The following CSMD1 variants were observed in gnomAD, a reference collection of about 807,000 sequenced individuals.
The protein encoded by CSMD1 is CUB and Sushi multiple domains 1, also known as CUB and sushi domain-containing protein 1.
CSMD1 carries 213 observed loss-of-function variants against 417.5 expected under a neutral mutation model. The observed-to-expected ratio is 0.51, with a 90% CI of 0.46 to 0.57. The LOEUF (loss-of-function observed/expected upper bound fraction) is 0.57, where lower values mean the gene tolerates loss of function less well. CSMD1 is among the 20% of genes least tolerant of loss of function. The pLI is 0.00. For missense variants in CSMD1, 6,923 were observed against 4,529.7 expected, an observed-to-expected ratio of 1.53 and a Z score of -15.17; for synonymous variants, 2,862 against 1,736.8, an observed-to-expected ratio of 1.65 and a Z score of -16.11.
intron 26 of CSMD1, among the ~76,000 whole-genome samples, chr8:3,266,677 A>C (rs915564399): frequency 2.0e-5 from 3 of 150,930 alleles, no homozygotes; most frequent in Non-Finnish European, 4.4e-5. Flanking sequence ...CAGGAGGCTA[A>C]GGCAGGAGAA....
chr8:4,569,441 A>T (rs759406524), intron 2 of CSMD1, among the ~76,000 whole-genome samples: 1 of 152,210 alleles, frequency 6.6e-6, no homozygotes, highest in Non-Finnish European at 1.5e-5. Context: ...TTTGTCAAAC[A>T]TCAGATGGTT....
At chr8:4,941,995 C>T (rs978021238) in intron 1 of CSMD1, among the ~76,000 whole-genome samples, 2 of 152,136 alleles carry the variant, frequency 1.3e-5, no homozygotes, top group African/African-American at 4.8e-5. Context: ...CATTTAAAAC[C>T]TGAATCAAAT....
chr8:4,391,966 C>T (rs986356407), intron 3 of CSMD1, among the ~76,000 whole-genome samples: 2 of 152,154 alleles, frequency 1.3e-5, no homozygotes, highest in Non-Finnish European at 2.9e-5. Context: ...GCAGAAAGCA[C>T]ATTAAAAGAG....
rs140454538 is a variant in CSMD1, at chr8:4,529,038, G to A, written c.302+108304C>T. ...TTCTTTGTGATGATATATGTGAGAC[G>A]GTGTTTTTTTAAAAAATGATGATCT... On this transcript the variant is annotated intron_variant, in intron 2 of 69. Coordinates refer to ENST00000635120, the MANE Select transcript of CSMD1 (RefSeq NM_033225.6). Among the ~76,000 whole-genome samples, 880 of 152,088 alleles carry A rather than the reference G, an allele frequency of 5.8e-3. 7 individuals carry two copies. Among genetic ancestry groups the A allele is most frequent in the African/African-American group, 0.02 (848 of 41,462 alleles).
At chr8:3,442,838 TTTG>T (rs145153058) in intron 12 of CSMD1, among the ~76,000 whole-genome samples, 4,063 of 152,268 alleles carry the variant, frequency 0.027, 89 homozygotes, top group East Asian at 0.091. Context: ...AGATTTTTTT[TTTG>T]TTATGTCTGT....
rs538901125 is a variant in CSMD1 at position 4,293,201 on chromosome 8, G to T, written c.415+126752C>A. Among the ~76,000 whole-genome samples the T allele has an allele frequency of 5.3e-5, 8 of 152,310 alleles. No individual in the cohort carries two copies. The East Asian group carries it at 1.5e-3, about 29-fold the overall frequency. ...AACCTCCCTGGCACAGAGAGAGGAAGAGAGCCCAATGATGCCGTCCTCAAG... is the reference window on the plus strand; with the variant it reads ...AACCTCCCTGGCACAGAGAGAGGAATAGAGCCCAATGATGCCGTCCTCAAG... On this transcript the variant is annotated intron_variant, in intron 3 of 69. Transcript: ENST00000635120.
intron 3 of CSMD1, among the ~76,000 whole-genome samples, chr8:4,230,035 T>A (rs1032703267): frequency 6.6e-6 from 1 of 152,190 alleles, no homozygotes; most frequent in African/African-American, 2.4e-5. Context: ...ATTTTAAACA[T>A]AAGAACATCT....
chr8:4,187,831 C>T (rs1034766694), intron 3 of CSMD1, among the ~76,000 whole-genome samples: 6 of 152,046 alleles, frequency 3.9e-5, no homozygotes, highest in Non-Finnish European at 7.4e-5. Context: ...TTTCAGATGA[C>T]TTGCTGAGAC....
intron 3 of CSMD1, among the ~76,000 whole-genome samples, chr8:4,287,769 G>A (rs2128864888): frequency 6.6e-6 from 1 of 151,948 alleles, no homozygotes; most frequent in African/African-American, 2.4e-5. Context: ...GACCCGGTCG[G>A]TTGAGCGAGT....
chr8:3,766,141 A>G (rs557760465), intron 5 of CSMD1, among the ~76,000 whole-genome samples: 28 of 152,278 alleles, frequency 1.8e-4, no homozygotes, highest in Admixed American at 1.3e-4. Context: ...CCCTGATGGC[A>G]TTTCTCTGTG....
chr8:4,791,166 T>C (rs935457353), intron 1 of CSMD1, among the ~76,000 whole-genome samples: 1 of 151,968 alleles, frequency 6.6e-6, no homozygotes, highest in Non-Finnish European at 1.5e-5. Flanking sequence ...CACATGGAGA[T>C]AAGCCAAGAA....
chr8:4,597,987 A>C (rs768867903), intron 2 of CSMD1, among the ~76,000 whole-genome samples: 1 of 151,418 alleles, frequency 6.6e-6, no homozygotes, highest in African/African-American at 2.4e-5. Context: ...ATTTATTTTT[A>C]TATAAATTAT....
chr8:3,982,032 G>C (rs958344019), intron 5 of CSMD1, among the ~76,000 whole-genome samples: 2 of 151,798 alleles, frequency 1.3e-5, no homozygotes, highest in Non-Finnish European at 2.9e-5. Flanking sequence ...TTAGCCTGGC[G>C]CGGTGACGGT....
intron 18 of CSMD1, among the ~76,000 whole-genome samples, chr8:3,372,056 C>A (rs946073671): frequency 6.6e-6 from 1 of 152,074 alleles, no homozygotes; most frequent in Non-Finnish European, 1.5e-5. Flanking sequence ...CCTGTAACAA[C>A]ATAAAAGGCA....
At chr8:3,915,396 A>C (rs1808746664) in intron 5 of CSMD1, among the ~76,000 whole-genome samples, 1 of 122,880 alleles carries the variant, frequency 8.1e-6, no homozygotes, top group South Asian at 2.8e-4. Context: ...TCACAGTAAG[A>C]CTCTGTCTCA....
Position 3,347,995 on chromosome 8 carries a change from T to G in CSMD1, c.3471A>C (p.Leu1157=). The part of the protein sequence containing the change: ...RSFQLFEGDT[L]KVYDGKDSSS... ...TGTTGGAGAAGATTCTTTTTACCTT[T>G]AGAGTATCTCCTTCAAACAGCTGGA... The change falls in exon 22 of 70, where the codon CTA becomes CTC. Residue 1157 remains leucine, a synonymous_variant. Transcript: ENST00000635120. 1 of 1,582,336 alleles carries G rather than the reference T, an allele frequency of 6.3e-7. No homozygotes were observed. The highest frequency in any genetic ancestry group is 8.6e-7 in the Non-Finnish European group (1 of 1,166,012).
intron 1 of CSMD1, among the ~76,000 whole-genome samples, chr8:4,722,325 A>G (rs1190275131): frequency 1.3e-5 from 2 of 152,192 alleles, no homozygotes; most frequent in Admixed American, 6.6e-5. Flanking sequence ...TGAAGAAAAT[A>G]TATTTAATAT....
chr8:4,162,614 C>A (rs1208059326), intron 3 of CSMD1, among the ~76,000 whole-genome samples: 1 of 152,018 alleles, frequency 6.6e-6, no homozygotes, highest in African/African-American at 2.4e-5. Context: ...TTTCTAGGTT[C>A]ACAAAAAACA....
chr8:3,649,041 T>C (rs983124437), intron 7 of CSMD1, among the ~76,000 whole-genome samples: 7 of 152,206 alleles, frequency 4.6e-5, no homozygotes, highest in Admixed American at 1.3e-4. Flanking sequence ...AGTTCATCAA[T>C]GGAAGAACAA....
Sources: allele counts gnomAD v4.1 joint callset (sites outside exome capture counted in the v4.1 genomes callset), GRCh38; gene constraint gnomAD v4.1.1; transcripts MANE v1.5; gene names NCBI Gene and HGNC (gene_info 2026-07-23, HGNC 2026-07-21).